Variants in PRKCE observed in about 807,000 individuals in gnomAD.
The protein encoded by PRKCE is protein kinase C epsilon type.
In PRKCE, 16 loss-of-function variants were observed where a neutral mutation model predicts 85.4. That is an observed-to-expected ratio of 0.19 (90% CI 0.13 to 0.28). The LOEUF is 0.28. Among genes scored for constraint, PRKCE ranks in the 10% least tolerant of loss-of-function variants. The pLI is 1.00. For synonymous variants in PRKCE, 388 were observed against 371.5 expected (o/e 1.04, Z -0.51); for missense variants, 573 against 975.2 (o/e 0.59, Z 5.49).
At chr2:46,076,940 C>T (rs76760252) in intron 10 of PRKCE, among the ~76,000 whole-genome samples, 18,118 of 152,078 alleles carry the variant, frequency 0.12, 1,231 homozygotes, top group African/African-American at 0.17. Context: ...CTAAAATAGT[C>T]GAACTCATAG....
At chr2:45,885,002 T>TATATATATATTTG (rs1553440407) in intron 2 of PRKCE, among the ~76,000 whole-genome samples, 1 of 97,640 alleles carries the variant, frequency 1.0e-5, no homozygotes, top group African/African-American at 3.9e-5. Flanking sequence ...TATATATATA[T>TATATATATATTTG]TTGTTGTTGT....
intron 1 of PRKCE, among the ~76,000 whole-genome samples, chr2:45,750,867 G>A (rs1683502951): frequency 6.6e-6 from 1 of 152,150 alleles, no homozygotes; most frequent in Non-Finnish European, 1.5e-5. Context: ...CAATCATGGA[G>A]GCCCCTTCAG....
intron 14 of PRKCE, among the ~76,000 whole-genome samples, chr2:46,162,058 C>G (rs1189178108): frequency 6.6e-6 from 1 of 152,174 alleles, no homozygotes; most frequent in Non-Finnish European, 1.5e-5. Flanking sequence ...TCCACTAACA[C>G]GCAGGCATTG....
At chr2:46,181,829 G>A (rs1680004949) in intron 14 of PRKCE, among the ~76,000 whole-genome samples, 1 of 152,142 alleles carries the variant, frequency 6.6e-6, no homozygotes, top group South Asian at 2.1e-4. Context: ...TCTGAAACCT[G>A]GAGAATCCCG....
intron 2 of PRKCE, among the ~76,000 whole-genome samples, chr2:45,890,485 T>C (rs1283191454): frequency 6.6e-6 from 1 of 152,090 alleles, no homozygotes; most frequent in Non-Finnish European, 1.5e-5. Flanking sequence ...GTTCAAGCAA[T>C]TCTCGTGCCT....
At chr2:45,702,992 T>G (rs1393107824) in intron 1 of PRKCE, among the ~76,000 whole-genome samples, 4 of 150,570 alleles carry the variant, frequency 2.7e-5, no homozygotes, top group African/African-American at 9.8e-5. Flanking sequence ...GCCTTTCCTA[T>G]TATCAAGTTT....
chr2:45,770,754 T>G (rs1346432199), intron 1 of PRKCE: 1 of 152,238 alleles, frequency 6.6e-6, no homozygotes, highest in Admixed American at 6.5e-5. Flanking sequence ...TGGCCCCATC[T>G]GCAGCGGATT....
Position 46,109,686 on chromosome 2 carries a change from C to A in PRKCE, c.1592+23324C>A, listed in dbSNP as rs532597665. On this transcript the variant is annotated intron_variant, in intron 11 of 14. Coordinates refer to ENST00000306156, the MANE Select transcript of PRKCE (RefSeq NM_005400.3). ...GTTAATTCCTTCCTAATCTGCACAC[C>A]TTTTATTTTCTTTTCTTGTTTTATC... 4.6e-5 allele frequency among the ~76,000 whole-genome samples: 7 copies of A among 152,056 alleles called. No individual in the cohort carries two copies. In the South Asian group the frequency reaches 8.3e-4, roughly 18 times the overall value.
intron 1 of PRKCE, among the ~76,000 whole-genome samples, chr2:45,722,062 A>G (rs1573065342): frequency 2.6e-5 from 4 of 152,150 alleles, no homozygotes; most frequent in African/African-American, 9.6e-5. Flanking sequence ...TATTTATCAC[A>G]TTAAAATTGA....
chr2:45,736,899 G>A (rs1376530883), intron 1 of PRKCE, among the ~76,000 whole-genome samples: 1 of 152,178 alleles, frequency 6.6e-6, no homozygotes. Flanking sequence ...GGTGATCAGG[G>A]GAGACTTCAC....
intron 10 of PRKCE, among the ~76,000 whole-genome samples, chr2:46,031,591 CGTGTGTGTGTGTGT>C (rs58684318): frequency 3.3e-4 from 47 of 144,120 alleles, no homozygotes; most frequent in Middle Eastern, 3.5e-3. Flanking sequence ...ACATTCTGCT[CGTGTGTGTGTGTGT>C]GTGTGTGTGT....
chr2:46,048,701 G>GGAGA (rs1708674475), intron 10 of PRKCE, among the ~76,000 whole-genome samples: 2 of 152,198 alleles, frequency 1.3e-5, no homozygotes, highest in East Asian at 3.8e-4. Flanking sequence ...CTGTTTAGGG[G>GGAGA]TGAACCAGTG....
intron 1 of PRKCE, among the ~76,000 whole-genome samples, chr2:45,838,348 G>A (rs1367065069): frequency 6.6e-6 from 1 of 152,236 alleles, no homozygotes; most frequent in Non-Finnish European, 1.5e-5. Context: ...TGACCTGGGT[G>A]AGAATTCTGG....
chr2:45,929,822 C>T (rs1018583065), intron 2 of PRKCE, among the ~76,000 whole-genome samples: 1 of 152,044 alleles, frequency 6.6e-6, no homozygotes, highest in Non-Finnish European at 1.5e-5. Flanking sequence ...CTCAATCCTC[C>T]CTTTTAGTGC....
rs1677363516 is a variant in PRKCE at position 45,687,188 on chromosome 2, C to CAA, written c.348+34742_348+34743dup. On this transcript the variant is annotated intron_variant, in intron 1 of 14. Transcript: ENST00000306156. ...GACCAACATAAACAAAGTCAAAAGA[C>CAA]AAACAATGAATTGAAAATCACACAT... is the stretch of plus-strand genomic sequence containing the variant. Among the ~76,000 whole-genome samples, 16 of 151,732 alleles carry CAA rather than the reference C, an allele frequency of 1.1e-4. No homozygotes were observed. The South Asian group carries it at 3.2e-3, about 30-fold the overall frequency.
Position 45,820,987 on chromosome 2 carries a change from T to C in PRKCE, c.349-22013T>C, listed in dbSNP as rs139321666. 6.8e-3 allele frequency among the ~76,000 whole-genome samples: 1,025 copies of C among 150,856 alleles called. 9 individuals are homozygous for C. Among genetic ancestry groups the C allele is most frequent in the African/African-American group, 0.023 (944 of 41,238 alleles). On this transcript the variant is annotated intron_variant, in intron 1 of 14. Transcript: ENST00000306156. ...AAACTTGTTTGGGTCTGGCGACAAA[T>C]CACCTTATACAAGAGATTACACAGC...
intron 1 of PRKCE, among the ~76,000 whole-genome samples, chr2:45,679,244 G>A (rs1183856269): frequency 6.6e-6 from 1 of 152,110 alleles, no homozygotes; most frequent in Non-Finnish European, 1.5e-5. Flanking sequence ...CTGTAAACAC[G>A]AAACTACAGG....
chr2:46,136,506 C>T (rs1181094944), intron 11 of PRKCE, among the ~76,000 whole-genome samples: 1 of 152,178 alleles, frequency 6.6e-6, no homozygotes, highest in African/African-American at 2.4e-5. Context: ...CAAACATCTA[C>T]AGTTCAGGTC....
intron 6 of PRKCE, 36 bp downstream of exon 6, chr2:45,984,716 T>TG: frequency 6.3e-7 from 1 of 1,577,144 alleles, no homozygotes; most frequent in Non-Finnish European, 8.6e-7. Flanking sequence ...AGCCCCTGCA[T>TG]GTCCCCTTCC....
Sources: allele counts gnomAD v4.1 joint callset (sites outside exome capture counted in the v4.1 genomes callset), GRCh38; gene constraint gnomAD v4.1.1; transcripts MANE v1.5; gene names NCBI Gene and HGNC (gene_info 2026-07-23, HGNC 2026-07-21).